Variants in SNX29 observed in about 807,000 individuals in gnomAD.
SNX29 encodes sorting nexin 29.
SNX29 carries 78 observed loss-of-function variants against 102.1 expected under a neutral mutation model. The ratio of observed to expected loss-of-function variants is 0.76; its 90% confidence interval spans 0.64 to 0.92. The LOEUF (loss-of-function observed/expected upper bound fraction) is 0.92, where lower values mean the gene tolerates loss of function less well. Ranked by LOEUF, SNX29 falls within the 40% of genes least tolerant of loss-of-function variation. SNX29 has a pLI of 0.00. For missense variants in SNX29, 1,280 were observed against 1,061.7 expected (o/e 1.21, Z -2.86); for synonymous variants, 580 against 414.5 (o/e 1.40, Z -4.85).
rs188212833 is a variant in SNX29 at position 11,989,493 on chromosome 16, C to T, written c.8-9804C>T. On this transcript the variant is annotated intron_variant, in intron 1 of 20. Transcript: ENST00000566228. ...ACAGCGCCCTGACTTTGGGGGAGAA[C>T]GATTGTCCATTTTATCTGTGCGTAT... Among the ~76,000 whole-genome samples, 49 of 152,232 alleles carry T rather than the reference C, an allele frequency of 3.2e-4. No individual in the cohort carries two copies. In the East Asian group the frequency reaches 7.9e-3, roughly 25 times the overall value.
At chr16:12,024,576 A>G (rs1227629608) in intron 3 of SNX29, among the ~76,000 whole-genome samples, 2 of 152,182 alleles carry the variant, frequency 1.3e-5, no homozygotes, top group Non-Finnish European at 2.9e-5. Context: ...TTAAAAGACT[A>G]GCATCCACCT....
chr16:12,343,975 G>T (rs1012761801), intron 15 of SNX29, among the ~76,000 whole-genome samples: 5 of 152,196 alleles, frequency 3.3e-5, no homozygotes, highest in Non-Finnish European at 2.9e-5. Context: ...GAGGGACCCA[G>T]TGTGAGATAA....
intron 13 of SNX29, among the ~76,000 whole-genome samples, chr16:12,131,745 T>C (rs1225646554): frequency 6.6e-6 from 1 of 152,234 alleles, no homozygotes; most frequent in African/African-American, 2.4e-5. Flanking sequence ...AGTCAGTTTA[T>C]AGCAGCAGCA....
intron 20 of SNX29, among the ~76,000 whole-genome samples, chr16:12,559,473 T>A (rs1047228063): frequency 6.6e-6 from 1 of 151,640 alleles, no homozygotes; most frequent in African/African-American, 2.4e-5. Context: ...GTTGTGTAAT[T>A]TTTTCCATGT....
intron 13 of SNX29, chr16:12,135,496 A>G: frequency 7.6e-7 from 1 of 1,314,304 alleles, no homozygotes; most frequent in East Asian, 4.2e-5. Context: ...AGAGCCAGTT[A>G]CTGCATTCTT....
intron 13 of SNX29, among the ~76,000 whole-genome samples, chr16:12,158,733 C>G (rs541765133): frequency 7.8e-4 from 119 of 152,352 alleles, no homozygotes; most frequent in Non-Finnish European, 1.0e-3. Context: ...GAGTGGAACC[C>G]TGCTCCCTCA....
chr16:12,555,190 C>T (rs112149294), intron 20 of SNX29, among the ~76,000 whole-genome samples: 2,428 of 151,840 alleles, frequency 0.016, 33 homozygotes, highest in Non-Finnish European at 0.023. Context: ...TCAGGTGTGG[C>T]ATGCAGACTG....
rs542714503 is a variant in SNX29, at chr16:12,260,250, C to T, written c.1679-17683C>T. The stretch of plus-strand genomic sequence containing the variant: ...AGTCCTCTTCTGCTGGTGCTACAGG[C>T]GTCCTTGTTCCAGCCTTGACATTGT... On this transcript the variant is annotated intron_variant, in intron 14 of 20. Coordinates refer to ENST00000566228, the MANE Select transcript of SNX29 (RefSeq NM_032167.5). 1.4e-4 allele frequency among the ~76,000 whole-genome samples: 22 copies of T among 152,328 alleles called. 1 individual carries two copies. In the South Asian group the frequency reaches 2.7e-3, roughly 19 times the overall value.
At chr16:12,303,785 G>A (rs924958621) in intron 15 of SNX29, among the ~76,000 whole-genome samples, 2 of 152,226 alleles carry the variant, frequency 1.3e-5, no homozygotes, top group South Asian at 2.1e-4. Flanking sequence ...AAAATTAGAT[G>A]TTCTGGAAGC....
chr16:12,517,636 A>T (rs28506118), intron 19 of SNX29, among the ~76,000 whole-genome samples: 2,443 of 152,282 alleles, frequency 0.016, 71 homozygotes, highest in African/African-American at 0.055. Flanking sequence ...AGGCGCTGTG[A>T]TAGGCTCCGG....
At chr16:12,510,269 T>C (rs1362854900) in intron 19 of SNX29, among the ~76,000 whole-genome samples, 1 of 152,224 alleles carries the variant, frequency 6.6e-6, no homozygotes, top group Non-Finnish European at 1.5e-5. Flanking sequence ...GTAGTTTTAC[T>C]GAGGGGTGTG....
In SNX29 at chr16:12,347,914, C is replaced by CAAAA. The variant is rs386384275; in HGVS notation, c.1783-8236_1783-8233dup. On this transcript the variant is annotated intron_variant, in intron 15 of 20. Coordinates refer to ENST00000566228, the MANE Select transcript of SNX29 (RefSeq NM_032167.5). ...GAAACGTAGCCATATCCTGTCTTTA[C>CAAAA]AAAAAAAAAAAAAAAATAGGTGAGC... is the stretch of plus-strand genomic sequence containing the variant. Among the ~76,000 whole-genome samples, 23 of 121,122 alleles carry CAAAA rather than the reference C, an allele frequency of 1.9e-4. 1 individual carries two copies. Among genetic ancestry groups the CAAAA allele is most frequent in the Middle Eastern group, 8.9e-3 (2 of 224 alleles). The allele number at this position is 121,122 out of a possible 152,430, so 79.5% of individuals were successfully genotyped here. A position where few individuals can be genotyped will look rare whatever the true frequency, so the allele number is the denominator to read the frequency against.
chr16:12,433,221 A>C (rs2085386618), intron 18 of SNX29, among the ~76,000 whole-genome samples: 1 of 152,208 alleles, frequency 6.6e-6, no homozygotes, highest in African/African-American at 2.4e-5. Flanking sequence ...CCTTGAAAAC[A>C]GAGAAAAGAA....
At chr16:12,325,088 ACTTTC>A (rs1210973206) in intron 15 of SNX29, among the ~76,000 whole-genome samples, 3 of 152,126 alleles carry the variant, frequency 2.0e-5, no homozygotes, top group Non-Finnish European at 4.4e-5. Flanking sequence ...TTTTTAACTG[ACTTTC>A]CTTTGCAAAA....
chr16:12,256,563 A>G (rs1365801221), intron 14 of SNX29, among the ~76,000 whole-genome samples: 1 of 152,112 alleles, frequency 6.6e-6, no homozygotes, highest in Non-Finnish European at 1.5e-5. Flanking sequence ...CCTGACCTCA[A>G]GTGATCCGCC....
chr16:12,292,007 A>G (rs951527496), intron 15 of SNX29, among the ~76,000 whole-genome samples: 2 of 152,228 alleles, frequency 1.3e-5, no homozygotes, highest in African/African-American at 4.8e-5. Flanking sequence ...GCAGCAAGCA[A>G]TCAGTGAATC....
rs555393733 is a variant in SNX29 at position 12,527,708 on chromosome 16, C to T, written c.2318+2867C>T. On this transcript the variant is annotated intron_variant, in intron 20 of 20. Coordinates refer to ENST00000566228, the MANE Select transcript of SNX29 (RefSeq NM_032167.5). ...TCCTAGGGTGTTTGGCACCATAGCCCGTGTTTTTGGGATGGAGGTGGGAAG... is the reference window on the plus strand; with the variant it reads ...TCCTAGGGTGTTTGGCACCATAGCCTGTGTTTTTGGGATGGAGGTGGGAAG... Among the ~76,000 whole-genome samples the T allele has an allele frequency of 3.3e-4, 50 of 152,172 alleles. No individual in the cohort carries two copies. In the East Asian group the frequency reaches 7.3e-3, roughly 22 times the overall value.
rs1480320062 is a variant in SNX29, at chr16:12,568,931, T to C, written c.*302T>C. 4.9e-6 allele frequency: 2 copies of C among 410,714 alleles called. No individual in the cohort carries two copies. The highest frequency in any genetic ancestry group is 4.0e-5 in the African/African-American group (2 of 49,658). 25.4% of individuals were successfully genotyped at this position (410,714 alleles called of 1,614,324 possible). ...CCTCCACCTTTCTGTAGTTCAGGGC[T>C]GGCAGGAGGGTGGGCACCAGGTCAG... On this transcript the variant is annotated 3_prime_UTR_variant, in exon 21 of 21. Coordinates refer to ENST00000566228, the MANE Select transcript of SNX29 (RefSeq NM_032167.5).
intron 18 of SNX29, among the ~76,000 whole-genome samples, chr16:12,472,126 G>A (rs1340269121): frequency 6.6e-6 from 1 of 152,230 alleles, no homozygotes; most frequent in East Asian, 1.9e-4. Flanking sequence ...AGCAACATGA[G>A]GGCCATACAC....
Sources: gnomAD v4.1 joint callset for allele counts (sites outside exome capture counted in the v4.1 genomes callset) on GRCh38, gnomAD v4.1.1 for gene constraint, MANE v1.5 for transcripts, NCBI Gene and HGNC (gene_info 2026-07-23, HGNC 2026-07-21) for gene names.